Variants in CBLB observed in about 807,000 individuals in gnomAD.
CBLB encodes the protein E3 ubiquitin-protein ligase CBL-B.
In CBLB, 31 loss-of-function variants were observed where a neutral mutation model predicts 104.9. That is an observed-to-expected ratio of 0.30 (90% CI 0.22 to 0.40). CBLB has a LOEUF of 0.40. Ranked by LOEUF, CBLB falls within the 10% of genes least tolerant of loss-of-function variation. The pLI is 1.00. For synonymous variants in CBLB, 440 were observed against 422.6 expected, an observed-to-expected ratio of 1.04 and a Z score of -0.51; for missense variants, 1,062 against 1,214.6, an observed-to-expected ratio of 0.87 and a Z score of 1.87.
intron 3 of CBLB, among the ~76,000 whole-genome samples, chr3:105,838,769 C>T (rs916468527): frequency 2.0e-5 from 3 of 151,850 alleles, no homozygotes; most frequent in African/African-American, 7.2e-5. Flanking sequence ...CCTGCCTCAG[C>T]CTCCTGATTA....
chr3:105,756,846 A>G (rs1360095615), intron 4 of CBLB, among the ~76,000 whole-genome samples: 5 of 152,154 alleles, frequency 3.3e-5, no homozygotes, highest in African/African-American at 7.2e-5. Context: ...GTAATCCTCA[A>G]TTTTGGAGGT....
At chr3:105,733,913 A>G in intron 9 of CBLB, 96 bp downstream of exon 9, 3 of 1,127,076 alleles carry the variant, frequency 2.7e-6, no homozygotes, top group Non-Finnish European at 4.0e-6. Flanking sequence ...CAAACAAAGC[A>G]CTTACCAGCA....
At chr3:105,722,721 G>A (rs2073061423) in intron 9 of CBLB, among the ~76,000 whole-genome samples, 1 of 152,192 alleles carries the variant, frequency 6.6e-6, no homozygotes. Context: ...GGTTAAGGAT[G>A]ACTTCCAGTT....
intron 4 of CBLB, chr3:105,762,060 T>G (rs978484625): frequency 6.6e-6 from 1 of 152,318 alleles, no homozygotes; most frequent in Non-Finnish European, 1.5e-5. Context: ...TTCAGAGAGA[T>G]AATTTAGGGC....
chr3:105,810,794 C>A (rs1174011804), intron 3 of CBLB, among the ~76,000 whole-genome samples: 2 of 152,052 alleles, frequency 1.3e-5, no homozygotes, highest in African/African-American at 2.4e-5. Context: ...ATATTAATTT[C>A]TTTGTACTTC....
At chr3:105,805,497 G>T (rs1289652505) in intron 3 of CBLB, among the ~76,000 whole-genome samples, 1 of 151,980 alleles carries the variant, frequency 6.6e-6, no homozygotes. Flanking sequence ...GTAGAGACGG[G>T]GTTTTGCCAT....
chr3:105,668,366 C>T (rs1012221873), intron 18 of CBLB, among the ~76,000 whole-genome samples: 1 of 152,146 alleles, frequency 6.6e-6, no homozygotes, highest in Non-Finnish European at 1.5e-5. Flanking sequence ...ATGGAGAAAA[C>T]TGTAAAGAAG....
chr3:105,744,578 A>T (rs1243687721), intron 6 of CBLB, among the ~76,000 whole-genome samples: 3 of 152,164 alleles, frequency 2.0e-5, no homozygotes, highest in Non-Finnish European at 4.4e-5. Flanking sequence ...AGACAAAAAT[A>T]TGGAAATTTT....
At chr3:105,863,572 A>C (rs1181716696) in intron 2 of CBLB, among the ~76,000 whole-genome samples, 1 of 152,240 alleles carries the variant, frequency 6.6e-6, no homozygotes, top group African/African-American at 2.4e-5. Flanking sequence ...TTAGAAAAGA[A>C]AGTTGACTTG....
In CBLB at chr3:105,857,986, T is replaced by C. The variant is rs533010719; in HGVS notation, c.169-4322A>G. 3.9e-4 allele frequency among the ~76,000 whole-genome samples: 59 copies of C among 151,974 alleles called. No homozygotes were observed. The South Asian group carries it at 0.012, about 31-fold the overall frequency. ...AAAAGGAGTATTCTAGGCAAAGGAG[T>C]GTGCTAAGGCTTAAGAGACACCAGA... On this transcript the variant is annotated intron_variant, in intron 2 of 18. Transcript: ENST00000394030.
chr3:105,763,210 A>G (rs9833645), intron 4 of CBLB, among the ~76,000 whole-genome samples: 149,789 of 152,298 alleles, frequency 0.98, 73,712 homozygotes, highest in East Asian at 1. Context: ...TAAGTGCAAG[A>G]GACTCTTGTT....
At chr3:105,742,373 T>C (rs62261484) in intron 6 of CBLB, among the ~76,000 whole-genome samples, 4 of 152,192 alleles carry the variant, frequency 2.6e-5, no homozygotes, top group Non-Finnish European at 5.9e-5. Flanking sequence ...TAGAGTGTAA[T>C]TTCATCTTTG....
chr3:105,815,640 G>A (rs182387016), intron 3 of CBLB, among the ~76,000 whole-genome samples: 59 of 152,148 alleles, frequency 3.9e-4, no homozygotes, highest in Non-Finnish European at 3.8e-4. Context: ...ACAGTGTGGC[G>A]ATTCCTCAAG....
intron 2 of CBLB, among the ~76,000 whole-genome samples, chr3:105,863,234 C>T (rs568153558): frequency 3.7e-4 from 56 of 152,248 alleles, no homozygotes; most frequent in African/African-American, 1.3e-3. Flanking sequence ...TTATCAATAG[C>T]TTTTCTAAGA....
chr3:105,725,884 CTG>C (rs1420922022), intron 9 of CBLB, among the ~76,000 whole-genome samples: 2 of 151,766 alleles, frequency 1.3e-5, no homozygotes, highest in Non-Finnish European at 2.9e-5. Flanking sequence ...GAATCTCACT[CTG>C]TTACCTAGGC....
At position 105,704,320 on chromosome 3, in the gene CBLB, G is replaced by A. The variant is rs112507251; in HGVS notation, c.1408-147C>T. On this transcript the variant is annotated intron_variant, in intron 10 of 18. Coordinates refer to ENST00000394030, the MANE Select transcript of CBLB (RefSeq NM_170662.5). ...CCTTAGTTTACCCTGATTAATAGAA[G>A]CAAATAGTTCATACTGTCCCTCAAG... 458 of 758,142 alleles carry A rather than the reference G, an allele frequency of 6.0e-4. 4 individuals carry two copies. The African/African-American group carries it at 7.1e-3, about 12-fold the overall frequency. 47.0% of individuals were successfully genotyped at this position (758,142 alleles called of 1,614,324 possible). A position where few individuals can be genotyped will look rare whatever the true frequency, so the allele number is the denominator to read the frequency against.
At chr3:105,748,271 C>T (rs2076290361) in intron 5 of CBLB, among the ~76,000 whole-genome samples, 1 of 152,118 alleles carries the variant, frequency 6.6e-6, no homozygotes, top group Non-Finnish European at 1.5e-5. Flanking sequence ...TCAAGAAGAG[C>T]CAGTTACTGA....
At position 105,787,039 on chromosome 3, in the gene CBLB, T is replaced by C. The variant is rs75285855; in HGVS notation, c.420-10497A>G. On this transcript the variant is annotated intron_variant, in intron 3 of 18. Transcript: ENST00000394030. Reference sequence around the variant, plus strand: ...CTGTCTTTTTAAAGCATTGAGACTATGCCAGGTAGTTTTTTTCTTTCAAAA... The same window carrying C: ...CTGTCTTTTTAAAGCATTGAGACTACGCCAGGTAGTTTTTTTCTTTCAAAA... Among the ~76,000 whole-genome samples, 783 of 152,314 alleles carry C rather than the reference T, an allele frequency of 5.1e-3. 5 individuals carry two copies. The highest frequency in any genetic ancestry group is 0.018 in the African/African-American group (763 of 41,568).
intron 8 of CBLB, among the ~76,000 whole-genome samples, chr3:105,734,511 A>G (rs1356522166): frequency 7.1e-6 from 1 of 141,808 alleles, no homozygotes; most frequent in Non-Finnish European, 1.6e-5. Context: ...CCACATGCTC[A>G]TATAATTTAA....
Sources: gnomAD v4.1 joint callset for allele counts (sites outside exome capture counted in the v4.1 genomes callset) on GRCh38, gnomAD v4.1.1 for gene constraint, MANE v1.5 for transcripts, NCBI Gene and HGNC (gene_info 2026-07-23, HGNC 2026-07-21) for gene names.